The following NR6A1 variants were observed in gnomAD, a reference collection of about 807,000 sequenced individuals.
NR6A1 encodes retinoic acid receptor-related testis-associated receptor.
In NR6A1, 7 loss-of-function variants were observed where a neutral mutation model predicts 59.1. The observed-to-expected ratio is 0.12, with a 90% CI of 0.07 to 0.22. The LOEUF (loss-of-function observed/expected upper bound fraction) is 0.22. Ranked by LOEUF, NR6A1 falls within the 10% of genes least tolerant of loss-of-function variation. The probability of loss-of-function intolerance (pLI) is 1.00; values close to 1 mark genes in which losing one functional copy is unlikely to be tolerated. For synonymous variants in NR6A1, 243 were observed against 236.1 expected, an observed-to-expected ratio of 1.03 and a Z score of -0.27; for missense variants, 468 against 611.6, an observed-to-expected ratio of 0.77 and a Z score of 2.48.
At chr9:124,713,398 C>G (rs1057039982) in intron 2 of NR6A1, among the ~76,000 whole-genome samples, 1 of 151,766 alleles carries the variant, frequency 6.6e-6, no homozygotes, top group Non-Finnish European at 1.5e-5. Context: ...AAAAACTGCT[C>G]GATAACATGA....
intron 2 of NR6A1, among the ~76,000 whole-genome samples, chr9:124,589,002 T>C (rs563704574): frequency 3.3e-5 from 5 of 150,366 alleles, no homozygotes; most frequent in South Asian, 2.1e-4. Context: ...GTTCAAACAA[T>C]GGTATGGCCA....
chr9:124,758,547 G>A (rs940606340), intron 1 of NR6A1, among the ~76,000 whole-genome samples: 1 of 151,980 alleles, frequency 6.6e-6, no homozygotes, highest in South Asian at 2.1e-4. Flanking sequence ...GGCATGGAGG[G>A]GTTATAAATG....
intron 2 of NR6A1, among the ~76,000 whole-genome samples, chr9:124,643,113 AC>A (rs1453450599): frequency 7.0e-6 from 1 of 142,390 alleles, no homozygotes; most frequent in Non-Finnish European, 1.5e-5. Context: ...GGGGGGGGGA[AC>A]AAAAACAAGC....
At chr9:124,661,956 C>G (rs1837449805) in intron 2 of NR6A1, among the ~76,000 whole-genome samples, 1 of 151,954 alleles carries the variant, frequency 6.6e-6, no homozygotes, top group Admixed American at 6.6e-5. Context: ...TGCTTATATC[C>G]AGCATACCCA....
In NR6A1 at chr9:124,654,419, G is replaced by GC. The variant is rs1336883346; in HGVS notation, c.142+78888dup. On this transcript the variant is annotated intron_variant, in intron 2 of 9. Transcript: ENST00000487099. Reference sequence around the variant, plus strand: ...AGCTTACAAGGTCCTATGTGATAGGGCCCCATCCCACCTCTCCAACATCAC... The same window carrying GC: ...AGCTTACAAGGTCCTATGTGATAGGGCCCCCATCCCACCTCTCCAACATCAC... Among the ~76,000 whole-genome samples the GC allele has an allele frequency of 4.6e-5, 7 of 152,196 alleles. No homozygotes were observed. In the South Asian group the frequency reaches 8.3e-4, roughly 18 times the overall value.
At chr9:124,604,823 A>G (rs957360551) in intron 2 of NR6A1, among the ~76,000 whole-genome samples, 2 of 152,156 alleles carry the variant, frequency 1.3e-5, no homozygotes, top group East Asian at 3.9e-4. Flanking sequence ...CAAAAAAAAA[A>G]TAATTTTTAA....
At chr9:124,588,653 C>G (rs979297175) in intron 2 of NR6A1, among the ~76,000 whole-genome samples, 2 of 148,426 alleles carry the variant, frequency 1.3e-5, no homozygotes, top group African/African-American at 4.9e-5. Flanking sequence ...GGCGTGGTGG[C>G]TCACGCCGGT....
chr9:124,722,696 T>C (rs1839597842), intron 2 of NR6A1, among the ~76,000 whole-genome samples: 1 of 152,126 alleles, frequency 6.6e-6, no homozygotes, highest in African/African-American at 2.4e-5. Flanking sequence ...CATCTACCAA[T>C]ATGGCAAGAT....
rs530668330 is a variant in NR6A1, at chr9:124,599,419, C to CAA, written c.143-44851_143-44850dup. 6.9e-3 allele frequency: 1,994 copies of CAA among 289,910 alleles called. 1 individual carries two copies. The highest frequency in any genetic ancestry group is 9.1e-3 in the South Asian group (360 of 39,738). 18.0% of individuals were successfully genotyped at this position (289,910 alleles called of 1,614,324 possible). ...GGGCGACAAAAGCGATACATGGTCT[C>CAA]AAAAAAAAAAAAAAAAAGTTCCTCT... On this transcript the variant is annotated intron_variant, in intron 2 of 9. Transcript: ENST00000487099.
intron 1 of NR6A1, among the ~76,000 whole-genome samples, chr9:124,756,508 G>T (rs1840634838): frequency 6.6e-6 from 1 of 152,190 alleles, no homozygotes; most frequent in South Asian, 2.1e-4. Context: ...ATAAAAAAAT[G>T]TATAGATAGC....
intron 2 of NR6A1, among the ~76,000 whole-genome samples, chr9:124,596,451 C>G (rs1835275817): frequency 6.6e-6 from 1 of 152,150 alleles, no homozygotes. Context: ...CCCTTCATTT[C>G]CATGCTCTGG....
intron 1 of NR6A1, among the ~76,000 whole-genome samples, chr9:124,734,676 G>A (rs1246405594): frequency 2.0e-5 from 3 of 152,030 alleles, no homozygotes; most frequent in Non-Finnish European, 2.9e-5. Context: ...CTGGGCAACA[G>A]AGCGAGACGC....
At chr9:124,551,694 G>A (rs1207030257) in intron 3 of NR6A1, among the ~76,000 whole-genome samples, 1 of 152,188 alleles carries the variant, frequency 6.6e-6, no homozygotes, top group Non-Finnish European at 1.5e-5. Context: ...TTGTCATAGT[G>A]TGCATTCTTT....
rs544232853 is a variant in NR6A1, at chr9:124,646,715, C to T, written c.142+86593G>A. ...TTCATGTTTTAAGAAAGTTTACGAA[C>T]TTGTGTTGGGCCACATTCAAAGCCA... On this transcript the variant is annotated intron_variant, in intron 2 of 9. Transcript: ENST00000487099. Among the ~76,000 whole-genome samples, 91 of 152,246 alleles carry T rather than the reference C, an allele frequency of 6.0e-4. 1 individual carries two copies. In the South Asian group the frequency reaches 0.018, roughly 30 times the overall value.
chr9:124,725,171 T>C (rs1266810043), intron 2 of NR6A1, among the ~76,000 whole-genome samples: 1 of 152,184 alleles, frequency 6.6e-6, no homozygotes, highest in African/African-American at 2.4e-5. Flanking sequence ...AGAAAGGTTA[T>C]GCTGTTTTGA....
chr9:124,745,244 T>C (rs1840289966), intron 1 of NR6A1, among the ~76,000 whole-genome samples: 2 of 142,232 alleles, frequency 1.4e-5, no homozygotes, highest in African/African-American at 5.1e-5. Context: ...TATATTCCAA[T>C]ACATATATAC....
chr9:124,554,238 C>A lies in NR6A1; in HGVS notation c.385+90G>T. On this transcript the variant is annotated intron_variant, in intron 3 of 9. Coordinates refer to ENST00000487099, the MANE Select transcript of NR6A1 (RefSeq NM_033334.4). ...AAACTATAAGGCCTGATATGTAGTG[C>A]AAGCTTGAGGAATAAGTAACTAAAC... 3 of 1,584,354 alleles carry A rather than the reference C, an allele frequency of 1.9e-6. No homozygotes were observed. The South Asian group carries it at 3.4e-5, about 18-fold the overall frequency.
At chr9:124,525,155 A>G (rs1832896873) in intron 8 of NR6A1, among the ~76,000 whole-genome samples, 1 of 152,144 alleles carries the variant, frequency 6.6e-6, no homozygotes, top group South Asian at 2.1e-4. Context: ...ACCAGAGAAT[A>G]CCAGTAAACA....
At chr9:124,666,296 T>TTTTTTA (rs1837613554) in intron 2 of NR6A1, among the ~76,000 whole-genome samples, 6 of 141,846 alleles carry the variant, frequency 4.2e-5, no homozygotes, top group East Asian at 2.0e-4. Context: ...TTTTTTTTTT[T>TTTTTTA]GAGACAGGGT....
Sources: allele counts gnomAD v4.1 joint callset (sites outside exome capture counted in the v4.1 genomes callset), GRCh38; gene constraint gnomAD v4.1.1; transcripts MANE v1.5; gene names NCBI Gene and HGNC (gene_info 2026-07-23, HGNC 2026-07-21).